Variants in P2RY13 observed in about 807,000 individuals in gnomAD.
The protein encoded by P2RY13 is purinergic receptor P2Y13.
For missense variants in P2RY13, 412 were observed against 418.4 expected (o/e 0.98, Z 0.13); for synonymous variants, 150 against 155.1 (o/e 0.97, Z 0.24).
In P2RY13 at chr3:151,328,952, C is replaced by T. The variant is rs371578438; in HGVS notation, c.104G>A (p.Arg35Gln). Residue 35 changes from arginine (R) to glutamine (Q), a missense_variant, in exon 2 of 2, where the codon CGG (arginine) becomes CAG (glutamine). Transcript: ENST00000325602. ...TVMQGFNRSE[R>Q]CPRDTRIVQL... ...TACTATCCGAGTGTCTCTGGGGCAC[C>T]GCTCAGATCTGTTGAAGCCTTGCAT... 1.7e-5 allele frequency: 27 copies of T among 1,613,556 alleles called. No individual in the cohort carries two copies. The highest frequency in any genetic ancestry group is 1.6e-4 in the African/African-American group (12 of 75,012).
chr3:151,329,094 T>C (rs1640293330), intron 1 of P2RY13, 87 bp from the exon 2 acceptor site: 4 of 926,318 alleles, frequency 4.3e-6, no homozygotes, highest in Non-Finnish European at 6.5e-6. Flanking sequence ...ACAGACTTTA[T>C]GTTTATAGCA....
In P2RY13 at chr3:151,329,483, T is replaced by A. The variant is rs1451516284; in HGVS notation, c.46A>T (p.Lys16Ter). Reference protein sequence around the residue: ...RRQRELSILPKVTLEAMNTTV... With the variant: ...RRQRELSILP The stretch of plus-strand genomic sequence containing the variant: ...TAATAACAAAAATTGAAATTCACCT[T>A]TGGGAGGATACTCAGTTCTCTCTGT... Residue 16 changes from lysine (K) to a stop codon, truncating the protein, a stop_gained and splice_region_variant, in exon 1 of 2, where the codon AAG (lysine) becomes TAG (stop). Transcript: ENST00000325602. LOFTEE classifies it low-confidence loss of function (END_TRUNC). 6.5e-7 allele frequency: 1 copy of A among 1,542,752 alleles called. No homozygotes were observed. Among genetic ancestry groups the A allele is most frequent in the Admixed American group, 2.0e-5 (1 of 50,540 alleles).
Position 151,328,068 on chromosome 3 carries a change from A to G in P2RY13, c.988T>C (p.Cys330Arg), listed in dbSNP as rs200097493. Residue 330 changes from cysteine to arginine, a missense_variant, in exon 2 of 2, where the codon TGT (cysteine) becomes CGT (arginine). Physicochemically the swap from Cys to Arg is radical, Grantham distance 180. Transcript: ENST00000325602. Reference protein sequence around the residue: ...LCKKFTEKLPCMQGRKTTASS... With the variant: ...LCKKFTEKLPRMQGRKTTASS... ...GCTGTGGTCTTTCTCCCTTGCATAC[A>G]TGGTAGCTTTTCTGTGAATTTTTTA... 4.1e-5 allele frequency: 66 copies of G among 1,610,050 alleles called. No homozygotes were observed. The East Asian group carries it at 1.1e-3, about 27-fold the overall frequency.
Position 151,327,893 on chromosome 3 carries a change from G to C in P2RY13, c.*98C>G, listed in dbSNP as rs1307008728. The C allele has an allele frequency of 6.0e-6, 5 of 836,564 alleles. No homozygotes were observed. Among genetic ancestry groups the C allele is most frequent in the Admixed American group, 2.7e-5 (1 of 36,902 alleles). 51.8% of individuals were successfully genotyped at this position (836,564 alleles called of 1,614,324 possible). On this transcript the variant is annotated 3_prime_UTR_variant, in exon 2 of 2. Transcript: ENST00000325602. ...TACACGAGGATAATAAAATGTAAGA[G>C]AGCATTTGTTCCAATCTTTTTTTCT... is the stretch of plus-strand genomic sequence containing the variant.
intron 1 of P2RY13, 22 bp downstream of exon 1, chr3:151,329,458 TA>T: frequency 6.7e-7 from 1 of 1,493,668 alleles, no homozygotes; most frequent in Non-Finnish European, 9.1e-7. Flanking sequence ...AGCACACTCA[TA>T]ATAACAAAAA....
At chr3:151,329,458 T>A in intron 1 of P2RY13, 23 bp downstream of exon 1, 1 of 1,493,670 alleles carries the variant, frequency 6.7e-7, no homozygotes, top group South Asian at 1.2e-5. Flanking sequence ...AGCACACTCA[T>A]AATAACAAAA....
Position 151,328,091 on chromosome 3 carries a change from T to C in P2RY13, c.965A>G (p.Lys322Arg). The change falls in exon 2 of 2, where the codon AAA becomes AGA. Residue 322 changes from lysine to arginine, a missense_variant. By Grantham distance (26) the Lys-to-Arg change is conservative. Coordinates refer to ENST00000325602, the MANE Select transcript of P2RY13 (RefSeq NM_176894.3). ...ACATGGTAGCTTTTCTGTGAATTTT[T>C]TACATAAGAATATGTATATTAAGGG... ...MDPLIYIFLC[K>R]KFTEKLPCMQ... 6.2e-7 allele frequency: 1 copy of C among 1,609,848 alleles called. No homozygotes were observed. The highest frequency in any genetic ancestry group is 8.5e-7 in the Non-Finnish European group (1 of 1,178,446).
Position 151,329,501 on chromosome 3 carries a change from C to T in P2RY13, c.28G>A (p.Glu10Lys), listed in dbSNP as rs770903652. 2 of 1,547,656 alleles carry T rather than the reference C, an allele frequency of 1.3e-6. No homozygotes were observed. The highest frequency in any genetic ancestry group is 8.7e-7 in the Non-Finnish European group (1 of 1,144,090). The change falls in exon 1 of 2, where the codon GAA becomes AAA. Residue 10 changes from glutamate to lysine, a missense_variant. Coordinates refer to ENST00000325602, the MANE Select transcript of P2RY13 (RefSeq NM_176894.3). ...TTCACCTTTGGGAGGATACTCAGTT[C>T]TCTCTGTCTTCTTATGGCGGCAGTC... The part of the protein sequence containing the change: MTAAIRRQR[E>K]LSILPKVTLE...
In P2RY13 at chr3:151,328,854, C is replaced by T; in HGVS notation, c.202G>A (p.Val68Met). The T allele has an allele frequency of 6.2e-7, 1 of 1,613,934 alleles. No homozygotes were observed. The highest frequency in any genetic ancestry group is 8.5e-7 in the Non-Finnish European group (1 of 1,179,924). ...GAGGAGCTGGGGATGTGAACAAACA[C>T]CCACAGAGCCAAAGTATTCAGCAGG... ...GILLNTLALW[V>M]FVHIPSSSTF... The change falls in exon 2 of 2, where the codon GTG (valine) becomes ATG (methionine). Residue 68 changes from valine (V) to methionine (M), a missense_variant. Transcript: ENST00000325602.
rs1451516284 is a variant in P2RY13, at chr3:151,329,483, T to G, written c.46A>C (p.Lys16Gln). ...RRQRELSILP[K>Q]VTLEAMNTTV... ...TAATAACAAAAATTGAAATTCACCT[T>G]TGGGAGGATACTCAGTTCTCTCTGT... Residue 16 changes from lysine to glutamine, a missense_variant and splice_region_variant, in exon 1 of 2, where the codon AAG (lysine) becomes CAG (glutamine). Transcript: ENST00000325602. 1.3e-6 allele frequency: 2 copies of G among 1,542,870 alleles called. No homozygotes were observed. The highest frequency in any genetic ancestry group is 8.8e-7 in the Non-Finnish European group (1 of 1,140,014).
At chr3:151,329,456 C>T in intron 1 of P2RY13, 25 bp downstream of exon 1, 1 of 1,477,336 alleles carries the variant, frequency 6.8e-7, no homozygotes, top group African/African-American at 1.4e-5. Context: ...CAAGCACACT[C>T]ATAATAACAA....
At position 151,328,263 on chromosome 3, in the gene P2RY13, A is replaced by C. The variant is rs1749889873; in HGVS notation, c.793T>G (p.Phe265Val). 1 of 1,614,046 alleles carries C rather than the reference A, an allele frequency of 6.2e-7. No homozygotes were observed. Among genetic ancestry groups the C allele is most frequent in the Admixed American group, 1.7e-5 (1 of 59,986 alleles). Residue 265 changes from phenylalanine to valine, a missense_variant, in exon 2 of 2, where the codon TTT (phenylalanine) becomes GTT (valine). Phe to Val is a conservative substitution (Grantham distance 50). Coordinates refer to ENST00000325602, the MANE Select transcript of P2RY13 (RefSeq NM_176894.3). ...GKVFVVVAVFFVCFAPFHFAR... is the reference protein window; with the variant it reads ...GKVFVVVAVFVVCFAPFHFAR... ...AAATGAAATGGAGCAAAACACACAA[A>C]GAAGACAGCCACGACAACAAATACT...
rs1263096252 is a variant in P2RY13, at chr3:151,329,478, C to A, written c.48+3G>T. The A allele has an allele frequency of 1.3e-5, 20 of 1,537,708 alleles. No individual in the cohort carries two copies. Among genetic ancestry groups the A allele is most frequent in the Non-Finnish European group, 1.7e-5 (19 of 1,136,778 alleles). On this transcript the variant is annotated splice_donor_region_variant and intron_variant, in intron 1 of 1. Coordinates refer to ENST00000325602, the MANE Select transcript of P2RY13 (RefSeq NM_176894.3). ...ACTCATAATAACAAAAATTGAAATT[C>A]ACCTTTGGGAGGATACTCAGTTCTC... is the stretch of plus-strand genomic sequence containing the variant.
Position 151,327,754 on chromosome 3 carries a change from G to T in P2RY13, c.*237C>A. On this transcript the variant is annotated 3_prime_UTR_variant, in exon 2 of 2. Transcript: ENST00000325602. Reference sequence around the variant, plus strand: ...GAAATTAAAAAAAAAAAAAAAGAAAGAAAGAAATAATGACCTCTAGTGGCC... The same window carrying T: ...GAAATTAAAAAAAAAAAAAAAGAAATAAAGAAATAATGACCTCTAGTGGCC... 1.2e-4 allele frequency: 39 copies of T among 314,018 alleles called. No individual in the cohort carries two copies. Among genetic ancestry groups the T allele is most frequent in the East Asian group, 2.6e-4 (5 of 19,364 alleles). The allele number at this position is 314,018 out of a possible 1,614,324, so 19.5% of individuals were successfully genotyped here. A position where few individuals can be genotyped will look rare whatever the true frequency, so the allele number is the denominator to read the frequency against.
chr3:151,329,144 T>A, intron 1 of P2RY13, 137 bp from the exon 2 acceptor site: 1 of 659,794 alleles, frequency 1.5e-6, no homozygotes, highest in Non-Finnish European at 2.5e-6. Context: ...TCAATAGATG[T>A]GTTGAAAAGG....
In P2RY13 at chr3:151,328,535, A is replaced by T. The variant is rs780854560; in HGVS notation, c.521T>A (p.Ile174Asn). The change falls in exon 2 of 2, where the codon ATC becomes AAC. Residue 174 changes from isoleucine to asparagine, a missense_variant. Physicochemically the swap from Ile to Asn is moderately radical, Grantham distance 149. Coordinates refer to ENST00000325602, the MANE Select transcript of P2RY13 (RefSeq NM_176894.3). ...SIFIWFFLFFISLPNTILSNK... is the reference protein window; with the variant it reads ...SIFIWFFLFFNSLPNTILSNK... ...GCTCAAGATCGTATTTGGCAGGGAG[A>T]TGAAGAACAAAAAGAACCAGATGAA... is the stretch of plus-strand genomic sequence containing the variant. 4 of 1,613,928 alleles carry T rather than the reference A, an allele frequency of 2.5e-6. No homozygotes were observed. The South Asian group carries it at 3.3e-5, about 13-fold the overall frequency.
At chr3:151,329,435 T>G in intron 1 of P2RY13, 46 bp downstream of exon 1, 1 of 1,274,918 alleles carries the variant, frequency 7.8e-7, no homozygotes, top group Non-Finnish European at 1.1e-6. Context: ...AAGCATATTC[T>G]TTTATATAAG....
intron 1 of P2RY13, 95 bp from the exon 2 acceptor site, chr3:151,329,102 G>GC: frequency 1.2e-6 from 1 of 837,380 alleles, no homozygotes; most frequent in Non-Finnish European, 1.9e-6. Context: ...TATGTTTATA[G>GC]CATATTAACA....
Position 151,328,707 on chromosome 3 carries a change from GAC to G in P2RY13, c.347_348del (p.Cys116SerfsTer9), listed in dbSNP as rs1343582522. ...LAPWQLRAFV[C>X]RFSSVIFYET... ...TCATAAAATATCACCGAAGAAAAACGACACACAAAAGCTCTGAGCTGCCAGGG... is the reference window on the plus strand; with the variant it reads ...TCATAAAATATCACCGAAGAAAAACGACACAAAAGCTCTGAGCTGCCAGGG... On this transcript the variant is annotated frameshift_variant, in exon 2 of 2. Coordinates refer to ENST00000325602, the MANE Select transcript of P2RY13 (RefSeq NM_176894.3). LOFTEE classifies it low-confidence loss of function (END_TRUNC). The G allele has an allele frequency of 6.2e-7, 1 of 1,613,816 alleles. No homozygotes were observed. The highest frequency in any genetic ancestry group is 1.3e-5 in the African/African-American group (1 of 74,878).
Sources: allele counts gnomAD v4.1 joint callset, GRCh38; gene constraint gnomAD v4.1.1; transcripts MANE v1.5; gene names NCBI Gene and HGNC (gene_info 2026-07-23, HGNC 2026-07-21).